CTNNA3: variants seen among roughly 807,000 people sequenced by gnomAD.
CTNNA3 encodes catenin alpha-3.
In CTNNA3, 76 loss-of-function variants were observed where a neutral mutation model predicts 95.7. That is an observed-to-expected ratio of 0.79 (90% CI 0.66 to 0.96). The LOEUF (loss-of-function observed/expected upper bound fraction) is 0.96. Among genes scored for constraint, CTNNA3 ranks in the 40% least tolerant of loss-of-function variants. The pLI, the probability that CTNNA3 is intolerant of heterozygous loss-of-function variation, is 0.00. For synonymous variants in CTNNA3, 431 were observed against 374.4 expected, an observed-to-expected ratio of 1.15 and a Z score of -1.74; for missense variants, 1,191 against 1,089.8, an observed-to-expected ratio of 1.09 and a Z score of -1.31.
intron 7 of CTNNA3, among the ~76,000 whole-genome samples, chr10:66,909,539 A>C (rs1341413628): frequency 1.3e-5 from 2 of 149,126 alleles, no homozygotes; most frequent in Admixed American, 6.7e-5. Flanking sequence ...ATAAATAAAT[A>C]AATCACTACC....
intron 14 of CTNNA3, among the ~76,000 whole-genome samples, chr10:66,083,641 G>C (rs2080856129): frequency 6.6e-6 from 1 of 152,170 alleles, no homozygotes; most frequent in Admixed American, 6.5e-5. Context: ...GGCAACTAAG[G>C]TCTGGCTTAT....
chr10:67,367,730 C>T (rs1177904511), intron 5 of CTNNA3, among the ~76,000 whole-genome samples: 1 of 152,064 alleles, frequency 6.6e-6, no homozygotes, highest in Non-Finnish European at 1.5e-5. Context: ...TAAAAAATAA[C>T]GAAGTCTTGT....
intron 13 of CTNNA3, among the ~76,000 whole-genome samples, chr10:66,137,033 G>T (rs936324222): frequency 4.6e-5 from 7 of 152,046 alleles, no homozygotes; most frequent in African/African-American, 1.7e-4. Context: ...TGTTGGCTAG[G>T]CTGTTCTCAA....
intron 6 of CTNNA3, among the ~76,000 whole-genome samples, chr10:67,218,537 G>A (rs968116824): frequency 7.9e-5 from 12 of 152,060 alleles, no homozygotes; most frequent in Admixed American, 2.6e-4. Context: ...ATCCAGTCCC[G>A]CTCCTTCCCT....
At chr10:67,420,410 C>A (rs1845707574) in intron 5 of CTNNA3, among the ~76,000 whole-genome samples, 1 of 152,128 alleles carries the variant, frequency 6.6e-6, no homozygotes, top group Non-Finnish European at 1.5e-5. Context: ...TTATTATGAT[C>A]CTGGACTCAC....
chr10:66,827,051 C>T (rs771335660), intron 7 of CTNNA3, among the ~76,000 whole-genome samples: 7 of 152,142 alleles, frequency 4.6e-5, no homozygotes, highest in Non-Finnish European at 8.8e-5. Context: ...GCAGCATCAA[C>T]CTTGGCTATG....
At chr10:67,478,768 C>G (rs892225395) in intron 5 of CTNNA3, among the ~76,000 whole-genome samples, 1 of 151,524 alleles carries the variant, frequency 6.6e-6, no homozygotes, top group African/African-American at 2.4e-5. Context: ...GGATCAAAAC[C>G]TCATATATCA....
chr10:66,046,164 A>C (rs2079823826), intron 15 of CTNNA3, among the ~76,000 whole-genome samples: 2 of 152,130 alleles, frequency 1.3e-5, no homozygotes, highest in Admixed American at 6.5e-5. Flanking sequence ...AACACAGAGC[A>C]AGGAGAACCT....
chr10:67,712,455 T>A (rs1841116992), intron 1 of CTNNA3, among the ~76,000 whole-genome samples: 1 of 152,184 alleles, frequency 6.6e-6, no homozygotes, highest in Admixed American at 6.5e-5. Context: ...GGGGAAAGAA[T>A]GGTTTCATGG....
chr10:66,576,056 A>G (rs1564543587), intron 10 of CTNNA3, among the ~76,000 whole-genome samples: 2 of 152,090 alleles, frequency 1.3e-5, no homozygotes, highest in Non-Finnish European at 2.9e-5. Context: ...ACAGAGAGGT[A>G]TGGGAGGAAA....
Position 67,565,964 on chromosome 10 carries a change from G to T in CTNNA3, c.293-26295C>A, listed in dbSNP as rs1288138681. ...TCAAACTCAGTGTCCATCAATAGAT[G>T]AATGGATAAAGAAAATGCAGTATAT... On this transcript the variant is annotated intron_variant, in intron 3 of 17. Coordinates refer to ENST00000433211, the MANE Select transcript of CTNNA3 (RefSeq NM_013266.4). Among the ~76,000 whole-genome samples the T allele has an allele frequency of 5.5e-5, 7 of 127,564 alleles. 1 individual carries two copies. Among genetic ancestry groups the T allele is most frequent in the Non-Finnish European group, 9.7e-5 (6 of 61,686 alleles). 83.7% of individuals were successfully genotyped at this position (127,564 alleles called of 152,430 possible). A position where few individuals can be genotyped will look rare whatever the true frequency, so the allele number is the denominator to read the frequency against.
intron 12 of CTNNA3, among the ~76,000 whole-genome samples, chr10:66,353,768 AC>A (rs1419874378): frequency 3.3e-5 from 5 of 152,040 alleles, no homozygotes; most frequent in African/African-American, 1.2e-4. Flanking sequence ...AGATTAATCA[AC>A]CCAGGGATAG....
At chr10:67,235,344 C>A (rs1865405134) in intron 5 of CTNNA3, among the ~76,000 whole-genome samples, 1 of 152,008 alleles carries the variant, frequency 6.6e-6, no homozygotes, top group African/African-American at 2.4e-5. Flanking sequence ...GAACAGAACC[C>A]TCAGAAATAA....
intron 7 of CTNNA3, among the ~76,000 whole-genome samples, chr10:66,979,546 T>C (rs1447151144): frequency 1.3e-5 from 2 of 152,154 alleles, no homozygotes; most frequent in African/African-American, 2.4e-5. Context: ...GCTTTGATAA[T>C]GACTCTGCCA....
intron 7 of CTNNA3, among the ~76,000 whole-genome samples, chr10:66,959,524 G>A (rs1394515997): frequency 6.6e-6 from 1 of 152,134 alleles, no homozygotes; most frequent in Non-Finnish European, 1.5e-5. Flanking sequence ...TAAGGGCTCT[G>A]CCCCTGGTTA....
chr10:66,525,399 G>T (rs148742602), intron 10 of CTNNA3, among the ~76,000 whole-genome samples: 149 of 152,162 alleles, frequency 9.8e-4, no homozygotes, highest in African/African-American at 3.3e-3. Flanking sequence ...ACCACAATGA[G>T]GTAGGTAGGT....
chr10:67,411,122 G>A (rs867502371), intron 5 of CTNNA3, among the ~76,000 whole-genome samples: 5 of 152,146 alleles, frequency 3.3e-5, no homozygotes, highest in South Asian at 4.2e-4. Flanking sequence ...GAATAAGTTC[G>A]AGAAATGTAC....
At chr10:67,183,687 A>G (rs868538305) in intron 6 of CTNNA3, among the ~76,000 whole-genome samples, 9 of 152,218 alleles carry the variant, frequency 5.9e-5, no homozygotes, top group Middle Eastern at 3.4e-3. Flanking sequence ...CTTAAAGTAT[A>G]ATTAAAAAAT....
intron 5 of CTNNA3, among the ~76,000 whole-genome samples, chr10:67,291,332 C>T (rs1222708076): frequency 6.6e-6 from 1 of 151,960 alleles, no homozygotes. Flanking sequence ...TACATGGACA[C>T]AGAAGAGATA....
Sources: gnomAD v4.1 joint callset for allele counts (sites outside exome capture counted in the v4.1 genomes callset) on GRCh38, gnomAD v4.1.1 for gene constraint, MANE v1.5 for transcripts, NCBI Gene and HGNC (gene_info 2026-07-23, HGNC 2026-07-21) for gene names.